Variants in RBFOX1 observed in about 807,000 individuals in gnomAD.
RBFOX1 encodes RNA binding protein fox-1 homolog 1.
Under a neutral mutation model 57.7 loss-of-function variants are expected in RBFOX1, and 8 were observed. That is an observed-to-expected ratio of 0.14 (90% CI 0.08 to 0.25). The LOEUF (loss-of-function observed/expected upper bound fraction) is 0.25. RBFOX1 is among the 10% of genes least tolerant of loss of function. The pLI, the probability that RBFOX1 is intolerant of heterozygous loss-of-function variation, is 1.00. For synonymous variants in RBFOX1, 326 were observed against 222.4 expected (o/e 1.47, Z -4.15); for missense variants, 611 against 548.5 (o/e 1.11, Z -1.14).
At chr16:5,689,718 A>G (rs2050611319) in intron 3 of RBFOX1, among the ~76,000 whole-genome samples, 1 of 152,170 alleles carries the variant, frequency 6.6e-6, no homozygotes. Flanking sequence ...ATGTCCCAGG[A>G]ACCTTTTAGG....
chr16:5,364,835 A>G (rs1392342754), intron 1 of RBFOX1, among the ~76,000 whole-genome samples: 1 of 152,146 alleles, frequency 6.6e-6, no homozygotes, highest in Non-Finnish European at 1.5e-5. Flanking sequence ...GCTTGTTGAC[A>G]TAATTAGCAA....
rs2095597689 is a variant in RBFOX1 at position 6,054,999 on chromosome 16, G to A, written c.-127+35007G>A. Among the ~76,000 whole-genome samples the A allele has an allele frequency of 2.0e-5, 3 of 152,148 alleles. 1 individual carries two copies. Among genetic ancestry groups the A allele is most frequent in the South Asian group, 4.1e-4 (2 of 4,826 alleles). On this transcript the variant is annotated intron_variant, in intron 1 of 15. Transcript: ENST00000550418. ...GGGTTTCACCATGTTGGCCAGGATTGTCTTGATTTAATTTTTAGTAAATAT... is the reference window on the plus strand; with the variant it reads ...GGGTTTCACCATGTTGGCCAGGATTATCTTGATTTAATTTTTAGTAAATAT...
intron 11 of RBFOX1, among the ~76,000 whole-genome samples, chr16:7,634,978 G>A (rs78326452): frequency 0.034 from 5,182 of 152,258 alleles, 300 homozygotes; most frequent in African/African-American, 0.12. Flanking sequence ...TAACAGAAAG[G>A]TTTAGTGAAA....
chr16:6,015,966 A>G (rs932052875), upstream of RBFOX1, among the ~76,000 whole-genome samples: 29 of 152,210 alleles, frequency 1.9e-4, no homozygotes, highest in Admixed American at 1.3e-4. Flanking sequence ...TGCATGTTTG[A>G]TGACTGAAAG....
At chr16:6,663,362 G>C (rs1053724479) in intron 3 of RBFOX1, among the ~76,000 whole-genome samples, 3 of 152,164 alleles carry the variant, frequency 2.0e-5, no homozygotes, top group African/African-American at 7.2e-5. Context: ...TCCTGGTTTA[G>C]GGCTTATATG....
At chr16:5,422,467 G>T (rs1470408406) in intron 1 of RBFOX1, among the ~76,000 whole-genome samples, 3 of 130,804 alleles carry the variant, frequency 2.3e-5, no homozygotes, top group Non-Finnish European at 3.3e-5. Context: ...GGAGAGGGAG[G>T]GGGAAGAAAG....
At chr16:5,892,658 A>T (rs1180224583) in intron 4 of RBFOX1, among the ~76,000 whole-genome samples, 1 of 152,210 alleles carries the variant, frequency 6.6e-6, no homozygotes, top group Admixed American at 6.5e-5. Context: ...AGGAAGATCA[A>T]ATTCACCCTG....
At chr16:5,774,286 C>T (rs2054075559) in intron 3 of RBFOX1, among the ~76,000 whole-genome samples, 2 of 152,188 alleles carry the variant, frequency 1.3e-5, no homozygotes, top group African/African-American at 2.4e-5. Flanking sequence ...CATTCCTTTT[C>T]TGTTTCTGGA....
rs567681355 is a variant in RBFOX1, at chr16:7,304,396, C to G, written c.28-213751C>G. 7 of 985,404 alleles carry G rather than the reference C, an allele frequency of 7.1e-6. 1 individual carries two copies. The highest frequency in any genetic ancestry group is 1.2e-4 in the Admixed American group (2 of 16,290). 61.0% of individuals were successfully genotyped at this position (985,404 alleles called of 1,614,324 possible). ...GCGCCAGAGAGACATGATGCAGCAT[C>G]CTCTGACGGGGGCCACCTGCGTGGC... On this transcript the variant is annotated intron_variant, in intron 4 of 15. Transcript: ENST00000550418.
chr16:6,802,994 C>G (rs1394731546), intron 3 of RBFOX1, among the ~76,000 whole-genome samples: 1 of 152,138 alleles, frequency 6.6e-6, no homozygotes, highest in African/African-American at 2.4e-5. Flanking sequence ...CTAATCTGTT[C>G]TAAAAGTCTT....
intron 2 of RBFOX1, among the ~76,000 whole-genome samples, chr16:5,492,178 A>G (rs1321226463): frequency 2.0e-5 from 3 of 152,192 alleles, no homozygotes; most frequent in Non-Finnish European, 2.9e-5. Flanking sequence ...CTCAAAGTAT[A>G]AGAACCCTGA....
At chr16:6,997,035 C>T (rs1377258235) in intron 3 of RBFOX1, among the ~76,000 whole-genome samples, 3 of 152,072 alleles carry the variant, frequency 2.0e-5, no homozygotes, top group Admixed American at 1.3e-4. Context: ...TATTTATATG[C>T]ACGTATTTAT....
intron 1 of RBFOX1, among the ~76,000 whole-genome samples, chr16:6,089,231 C>T (rs368070654): frequency 4.6e-5 from 7 of 151,858 alleles, no homozygotes; most frequent in African/African-American, 7.3e-5. Context: ...AGGTAGATCC[C>T]GATTAACTGA....
chr16:6,654,019 G>T (rs2098626110), intron 2 of RBFOX1, among the ~76,000 whole-genome samples: 1 of 151,218 alleles, frequency 6.6e-6, no homozygotes, highest in African/African-American at 2.4e-5. Context: ...AGGAAGGGTG[G>T]GTGGGTCAAT....
At chr16:7,129,901 T>C (rs1277341779) in intron 4 of RBFOX1, among the ~76,000 whole-genome samples, 1 of 152,014 alleles carries the variant, frequency 6.6e-6, no homozygotes, top group Non-Finnish European at 1.5e-5. Flanking sequence ...AATGACCCTC[T>C]AGATGATAAG....
chr16:7,585,457 T>A (rs1319678348), intron 6 of RBFOX1, among the ~76,000 whole-genome samples: 1 of 152,208 alleles, frequency 6.6e-6, no homozygotes, highest in Non-Finnish European at 1.5e-5. Context: ...TTCCATGTTC[T>A]CTTCTGAGTA....
intron 4 of RBFOX1, among the ~76,000 whole-genome samples, chr16:7,435,702 A>C (rs1422775563): frequency 6.6e-6 from 1 of 152,210 alleles, no homozygotes; most frequent in Non-Finnish European, 1.5e-5. Flanking sequence ...ATTTAGCTGT[A>C]GGTTTTGGCC....
At chr16:5,569,099 C>G (rs1478418011) in intron 2 of RBFOX1, among the ~76,000 whole-genome samples, 1 of 151,864 alleles carries the variant, frequency 6.6e-6, no homozygotes, top group Non-Finnish European at 1.5e-5. Context: ...ATCCGCCCGC[C>G]TTGGTCTCCC....
At chr16:7,613,770 T>C (rs1249885687) in intron 10 of RBFOX1, among the ~76,000 whole-genome samples, 2 of 152,162 alleles carry the variant, frequency 1.3e-5, no homozygotes, top group Admixed American at 1.3e-4. Flanking sequence ...AGAATGACTT[T>C]TAGTCATACT....
Sources: allele counts gnomAD v4.1 joint callset (sites outside exome capture counted in the v4.1 genomes callset), GRCh38; gene constraint gnomAD v4.1.1; transcripts MANE v1.5; gene names NCBI Gene and HGNC (gene_info 2026-07-23, HGNC 2026-07-21).